Variants in CD2AP observed in about 807,000 individuals in gnomAD.
CD2AP encodes CD2-associated protein.
In CD2AP, 46 loss-of-function variants were observed where a neutral mutation model predicts 85.1. The observed-to-expected ratio is 0.54, with a 90% CI of 0.43 to 0.69. CD2AP has a LOEUF of 0.69. Ranked by LOEUF, CD2AP falls within the 30% of genes least tolerant of loss-of-function variation. The pLI, the probability that CD2AP is intolerant of heterozygous loss-of-function variation, is 0.00. For synonymous variants in CD2AP, 255 were observed against 252.9 expected (o/e 1.01, Z -0.08); for missense variants, 769 against 729.5 (o/e 1.05, Z -0.62).
intron 2 of CD2AP, among the ~76,000 whole-genome samples, chr6:47,531,797 G>T (rs993431510): frequency 6.6e-6 from 1 of 152,026 alleles, no homozygotes; most frequent in Admixed American, 6.6e-5. Flanking sequence ...TTTCGGCCGG[G>T]CGTGGTGGCT....
At chr6:47,523,309 T>C (rs1263463827) in intron 2 of CD2AP, among the ~76,000 whole-genome samples, 2 of 152,092 alleles carry the variant, frequency 1.3e-5, no homozygotes, top group African/African-American at 4.8e-5. Flanking sequence ...TACTGGCTAA[T>C]TGGGAATTGT....
chr6:47,496,978 G>A (rs1333191247), intron 1 of CD2AP, among the ~76,000 whole-genome samples: 6 of 151,690 alleles, frequency 4.0e-5, no homozygotes, highest in Non-Finnish European at 8.8e-5. Context: ...TTTCCTTTAC[G>A]AACCTCCCTC....
chr6:47,623,296 G>T (rs1582636605), intron 17 of CD2AP, among the ~76,000 whole-genome samples: 1 of 152,174 alleles, frequency 6.6e-6, no homozygotes, highest in Non-Finnish European at 1.5e-5. Flanking sequence ...TTGTTTATGT[G>T]CACTCTTGAG....
chr6:47,623,000 T>C (rs1393906737), intron 17 of CD2AP, among the ~76,000 whole-genome samples: 2 of 152,208 alleles, frequency 1.3e-5, no homozygotes, highest in Non-Finnish European at 2.9e-5. Flanking sequence ...GCTTTCTGTA[T>C]CTTTGGAATA....
intron 9 of CD2AP, among the ~76,000 whole-genome samples, chr6:47,580,396 C>G (rs1768441948): frequency 6.6e-6 from 1 of 151,916 alleles, no homozygotes; most frequent in South Asian, 2.1e-4. Flanking sequence ...TTTGAGAGTT[C>G]CAAAGAGTTA....
chr6:47,617,329 T>C (rs957567333), intron 17 of CD2AP, among the ~76,000 whole-genome samples: 2 of 152,190 alleles, frequency 1.3e-5, no homozygotes, highest in African/African-American at 4.8e-5. Context: ...GCTTTTCTGT[T>C]TGAGCATTCA....
At chr6:47,498,855 T>A (rs768687953) in intron 1 of CD2AP, among the ~76,000 whole-genome samples, 33 of 152,222 alleles carry the variant, frequency 2.2e-4, no homozygotes, top group Non-Finnish European at 3.8e-4. Context: ...CTGACTGATA[T>A]CTTTCATCCA....
In CD2AP at chr6:47,534,548, T is replaced by C. The variant is rs200351883; in HGVS notation, c.319+793T>C. On this transcript the variant is annotated intron_variant, in intron 3 of 17. Coordinates refer to ENST00000359314, the MANE Select transcript of CD2AP (RefSeq NM_012120.3). ...ATAGTAAAACCCCATCTCTACTAAA[T>C]ATACAAATTAGCCGGGCGTGGAGGA... 5.9e-4 allele frequency among the ~76,000 whole-genome samples: 90 copies of C among 152,044 alleles called. No homozygotes were observed. In the East Asian group the frequency reaches 8.5e-3, roughly 14 times the overall value.
chr6:47,581,929 A>G (rs2114108192), intron 10 of CD2AP, 74 bp from the exon 11 acceptor site: 1 of 931,712 alleles, frequency 1.1e-6, no homozygotes, highest in East Asian at 2.4e-5. Flanking sequence ...ACTCATCTTT[A>G]CTTTTTAGAA....
intron 1 of CD2AP, among the ~76,000 whole-genome samples, chr6:47,482,651 T>G (rs1013752595): frequency 1.3e-5 from 2 of 152,212 alleles, no homozygotes; most frequent in Non-Finnish European, 2.9e-5. Context: ...GTACTGGGAT[T>G]ATAGGCGTGA....
At chr6:47,509,228 A>G (rs947797783) in intron 2 of CD2AP, among the ~76,000 whole-genome samples, 2 of 152,220 alleles carry the variant, frequency 1.3e-5, no homozygotes, top group African/African-American at 4.8e-5. Context: ...GCTGTCTGAC[A>G]AGGGCACAGT....
At chr6:47,518,228 C>T (rs1766502706) in intron 2 of CD2AP, among the ~76,000 whole-genome samples, 2 of 152,130 alleles carry the variant, frequency 1.3e-5, no homozygotes, top group Non-Finnish European at 2.9e-5. Flanking sequence ...TTATGATTTA[C>T]AGAATAAAAT....
chr6:47,562,079 T>C (rs6458575), intron 5 of CD2AP, among the ~76,000 whole-genome samples: 133,196 of 152,258 alleles, frequency 0.87, 58,572 homozygotes, highest in Non-Finnish European at 0.92. Context: ...TGCTTTACTT[T>C]TAAGGAAATT....
intron 2 of CD2AP, among the ~76,000 whole-genome samples, chr6:47,512,400 G>A (rs1034103808): frequency 2.6e-5 from 4 of 152,142 alleles, no homozygotes; most frequent in Non-Finnish European, 4.4e-5. Context: ...TATGGAGTGT[G>A]GATGGTGGAA....
chr6:47,618,201 T>C (rs1461420244), intron 17 of CD2AP, among the ~76,000 whole-genome samples: 1 of 152,060 alleles, frequency 6.6e-6, no homozygotes, highest in Non-Finnish European at 1.5e-5. Context: ...ACACCTGTAA[T>C]CCCAGCTACT....
intron 1 of CD2AP, among the ~76,000 whole-genome samples, chr6:47,480,211 A>C (rs1442043637): frequency 6.6e-6 from 1 of 152,214 alleles, no homozygotes; most frequent in African/African-American, 2.4e-5. Flanking sequence ...AAACATTTCC[A>C]TATCAATATA....
At chr6:47,611,767 T>C (rs1471926907) in intron 16 of CD2AP, among the ~76,000 whole-genome samples, 1 of 151,996 alleles carries the variant, frequency 6.6e-6, no homozygotes, top group African/African-American at 2.4e-5. Context: ...TTCCACTCCT[T>C]CTGTCCCCAG....
At chr6:47,596,163 A>G (rs748550427) in intron 12 of CD2AP, 137 bp downstream of exon 12, 3 of 685,822 alleles carry the variant, frequency 4.4e-6, no homozygotes, top group Non-Finnish European at 5.1e-6. Context: ...GACATATACA[A>G]TTGTGTGTAT....
chr6:47,581,981 G>GT, intron 10 of CD2AP, 22 bp from the exon 11 acceptor site: 1 of 1,520,178 alleles, frequency 6.6e-7, no homozygotes, highest in Non-Finnish European at 9.1e-7. Context: ...TCTTAAAAAA[G>GT]TATTAATGTT....
Sources: gnomAD v4.1 joint callset for allele counts (sites outside exome capture counted in the v4.1 genomes callset) on GRCh38, gnomAD v4.1.1 for gene constraint, MANE v1.5 for transcripts, NCBI Gene and HGNC (gene_info 2026-07-23, HGNC 2026-07-21) for gene names.